The following NUP42 variants were observed in gnomAD, a reference collection of about 807,000 sequenced individuals.
NUP42 encodes nucleoporin NUP42.
Under a neutral mutation model 35.9 loss-of-function variants are expected in NUP42, and 47 were observed. That is an observed-to-expected ratio of 1.31 (90% CI 1.04 to 1.67). The LOEUF (loss-of-function observed/expected upper bound fraction) is 1.67. Among genes scored for constraint, NUP42 ranks in the 40% most tolerant of loss-of-function variants. The pLI is 0.00. For synonymous variants in NUP42, 173 were observed against 173.3 expected, an observed-to-expected ratio of 1.00 and a Z score of 0.01; for missense variants, 514 against 492.2, an observed-to-expected ratio of 1.04 and a Z score of -0.42.
At chr7:23,185,329 C>G in intron 2 of NUP42, 31 bp downstream of exon 2, 2 of 1,446,104 alleles carry the variant, frequency 1.4e-6, no homozygotes, top group Non-Finnish European at 1.9e-6. Context: ...AAATTACTAT[C>G]CATTTGCTTA....
chr7:23,187,933 T>TGGGG, intron 3 of NUP42: 3 of 485,544 alleles, frequency 6.2e-6, no homozygotes, highest in Non-Finnish European at 1.1e-5. Context: ...TAGAATATTC[T>TGGGG]CTGTCTCTCT....
intron 2 of NUP42, among the ~76,000 whole-genome samples, chr7:23,186,226 G>A (rs1785590780): frequency 6.6e-6 from 1 of 152,162 alleles, no homozygotes. Flanking sequence ...TGGTGACTAG[G>A]ATGGAATTTA....
intron 3 of NUP42, among the ~76,000 whole-genome samples, chr7:23,190,081 TATA>T (rs1201352782): frequency 6.6e-6 from 1 of 152,220 alleles, no homozygotes; most frequent in Non-Finnish European, 1.5e-5. Context: ...TGAATGTTAA[TATA>T]ATGCCACAAA....
At chr7:23,188,025 G>A in intron 3 of NUP42, 2 of 841,052 alleles carry the variant, frequency 2.4e-6, no homozygotes, top group Non-Finnish European at 1.6e-6. Context: ...TTTTTTTTTT[G>A]TCCATAGTCC....
chr7:23,197,034 A>G (rs533926273), intron 5 of NUP42: 6 of 460,100 alleles, frequency 1.3e-5, no homozygotes, highest in African/African-American at 1.0e-4. Flanking sequence ...GAAAATGGCA[A>G]ACTATTACAT....
chr7:23,198,381 T>C (rs919477615), intron 5 of NUP42: 4 of 151,860 alleles, frequency 2.6e-5, no homozygotes, highest in African/African-American at 9.7e-5. Context: ...CCCAGCTTTT[T>C]TGTATTTTTA....
intron 5 of NUP42, among the ~76,000 whole-genome samples, chr7:23,198,789 T>G (rs1356286880): frequency 1.3e-5 from 2 of 152,198 alleles, no homozygotes; most frequent in East Asian, 3.9e-4. Flanking sequence ...ATAAAGGTCC[T>G]TTTTACCTAA....
Position 23,195,885 on chromosome 7 carries a change from C to T in NUP42, c.492C>T (p.Asn164=), listed in dbSNP as rs759520161. The change falls in exon 4 of 7, where the codon AAC becomes AAT. Residue 164 remains asparagine (N), a synonymous_variant. Transcript: ENST00000258742. ...AGGAATTGAGGCTTGAATACCATAACTTCTTAACCAGCAATAACTTACAGA... is the reference window on the plus strand; with the variant it reads ...AGGAATTGAGGCTTGAATACCATAATTTCTTAACCAGCAATAACTTACAGA... ...SPEELRLEYH[N]FLTSNNLQSY... The T allele has an allele frequency of 6.2e-7, 1 of 1,605,908 alleles. No individual in the cohort carries two copies. Among genetic ancestry groups the T allele is most frequent in the Non-Finnish European group, 8.5e-7 (1 of 1,175,810 alleles).
At chr7:23,192,297 G>T (rs953733701) in intron 3 of NUP42, among the ~76,000 whole-genome samples, 5 of 152,030 alleles carry the variant, frequency 3.3e-5, no homozygotes, top group African/African-American at 2.4e-5. Flanking sequence ...TGTAATCTCG[G>T]CACTTTGGGA....
chr7:23,192,705 G>A (rs1785842805), intron 3 of NUP42, among the ~76,000 whole-genome samples: 1 of 152,062 alleles, frequency 6.6e-6, no homozygotes, highest in Non-Finnish European at 1.5e-5. Context: ...CTCAGGAGTG[G>A]CAGAGGCGGA....
At chr7:23,182,807 A>G (rs1181944245) in intron 1 of NUP42, among the ~76,000 whole-genome samples, 2 of 149,760 alleles carry the variant, frequency 1.3e-5, no homozygotes, top group African/African-American at 2.5e-5. Flanking sequence ...CCAGCTACTC[A>G]TGAGGCTGAG....
intron 3 of NUP42, 82 bp from the exon 4 acceptor site, chr7:23,195,757 A>G: frequency 1.2e-6 from 1 of 827,430 alleles, no homozygotes; most frequent in Non-Finnish European, 1.9e-6. Context: ...AACATTAGAT[A>G]TTTTCTTGTT....
rs758971114 is a variant in NUP42, at chr7:23,182,188, C to T, written c.103C>T (p.Pro35Ser). ...ARGAGGGRQQPQQQPSGNNRR... is the reference protein window; with the variant it reads ...ARGAGGGRQQSQQQPSGNNRR... ...GGGTGCAGGAGGAGGACGGCAGCAA[C>T]CGCAGCAGCAGCCTTCAGGTGACTC... is the stretch of plus-strand genomic sequence containing the variant. The change falls in exon 1 of 7, where the codon CCG becomes TCG. Residue 35 changes from proline to serine, a missense_variant. Transcript: ENST00000258742. The T allele has an allele frequency of 3.7e-6, 6 of 1,612,634 alleles. No homozygotes were observed. In the Admixed American group the frequency reaches 8.4e-5, roughly 22 times the overall value.
At chr7:23,186,576 T>C (rs1274467087) in intron 2 of NUP42, among the ~76,000 whole-genome samples, 1 of 152,228 alleles carries the variant, frequency 6.6e-6, no homozygotes, top group Non-Finnish European at 1.5e-5. Flanking sequence ...TTTTAAAATA[T>C]TATGATTCTG....
chr7:23,197,766 C>A (rs1786063282), intron 5 of NUP42, among the ~76,000 whole-genome samples: 1 of 152,036 alleles, frequency 6.6e-6, no homozygotes, highest in African/African-American at 2.4e-5. Context: ...GAATGGTAAC[C>A]CATTGTATGG....
In NUP42 at chr7:23,188,012, TA is replaced by T. The variant is rs199792284; in HGVS notation, c.445+867del. 1.8e-3 allele frequency: 1,941 copies of T among 1,085,646 alleles called. 19 individuals carry two copies. The highest frequency in any genetic ancestry group is 8.8e-3 in the African/African-American group (512 of 57,902). 67.3% of individuals were successfully genotyped at this position (1,085,646 alleles called of 1,614,324 possible). On this transcript the variant is annotated intron_variant, in intron 3 of 6. Transcript: ENST00000258742. The stretch of plus-strand genomic sequence containing the variant: ...TCTCTCTTTTTTTATTTTTTATTTT[TA>T]TTTTTTTTTTTGTCCATAGTCCCTA...
rs1786187892 is a variant in NUP42 at position 23,200,565 on chromosome 7, T to G, written c.1092T>G (p.Phe364Leu). The G allele has an allele frequency of 6.2e-7, 1 of 1,614,166 alleles. No homozygotes were observed. The highest frequency in any genetic ancestry group is 8.5e-7 in the Non-Finnish European group (1 of 1,180,034). ...TAFSKPSSDT[F>L]GNSSISTSLS... ...TTTCTAAGCCATCCAGTGACACTTT[T>G]GGAAATAGCAGCATATCCACTTCTC... Residue 364 changes from phenylalanine to leucine, a missense_variant, in exon 7 of 7, where the codon TTT becomes TTG. Phe to Leu is a conservative substitution (Grantham distance 22). Transcript: ENST00000258742.
chr7:23,189,174 T>C (rs903720066), intron 3 of NUP42, among the ~76,000 whole-genome samples: 1 of 152,350 alleles, frequency 6.6e-6, no homozygotes, highest in Admixed American at 6.5e-5. Context: ...TATGGTTATT[T>C]AGAAGAAAAC....
intron 3 of NUP42, chr7:23,187,367 TA>T (rs1406054314): frequency 2.8e-5 from 10 of 359,314 alleles, no homozygotes; most frequent in African/African-American, 2.1e-4. Context: ...AGAAAACATT[TA>T]AATAAAGCCC....
Sources: allele counts gnomAD v4.1 joint callset (sites outside exome capture counted in the v4.1 genomes callset), GRCh38; gene constraint gnomAD v4.1.1; transcripts MANE v1.5; gene names NCBI Gene and HGNC (gene_info 2026-07-23, HGNC 2026-07-21).